The following TRPM8 variants were observed in gnomAD, a reference collection of about 807,000 sequenced individuals.
TRPM8 encodes the protein TRPM8 cationic channel.
In TRPM8, 110 loss-of-function variants were observed where a neutral mutation model predicts 133.7. That is an observed-to-expected ratio of 0.82 (90% CI 0.70 to 0.96). The LOEUF (loss-of-function observed/expected upper bound fraction) is 0.96. Among genes scored for constraint, TRPM8 ranks in the 40% least tolerant of loss-of-function variants. The pLI, the probability that TRPM8 is intolerant of heterozygous loss-of-function variation, is 0.00. For synonymous variants in TRPM8, 535 were observed against 532.3 expected (o/e 1.01, Z -0.07); for missense variants, 1,291 against 1,379.5 (o/e 0.94, Z 1.02).
chr2:233,930,850 T>C, intron 3 of TRPM8, 109 bp downstream of exon 3: 1 of 701,974 alleles, frequency 1.4e-6, no homozygotes. Context: ...TGTCTTCGTC[T>C]TATAATTCTC....
At chr2:233,963,696 CG>C (rs1436727084) in intron 13 of TRPM8, among the ~76,000 whole-genome samples, 2 of 152,130 alleles carry the variant, frequency 1.3e-5, no homozygotes, top group Non-Finnish European at 2.9e-5. Flanking sequence ...GCATTATGGA[CG>C]GGAGGTAGGG....
At chr2:233,999,574 T>C (rs535454579) in intron 22 of TRPM8, among the ~76,000 whole-genome samples, 1 of 151,590 alleles carries the variant, frequency 6.6e-6, no homozygotes, top group Admixed American at 6.5e-5. Flanking sequence ...CTGAGCTGAA[T>C]GCGCCGGTCC....
intron 14 of TRPM8, 68 bp downstream of exon 14, chr2:233,964,825 C>T: frequency 6.7e-7 from 1 of 1,496,506 alleles, no homozygotes; most frequent in Non-Finnish European, 9.1e-7. Context: ...TTGCCAGCGG[C>T]ACTCATAGAC....
intron 17 of TRPM8, among the ~76,000 whole-genome samples, chr2:233,977,533 G>C (rs374005553): frequency 1.3e-5 from 2 of 152,186 alleles, no homozygotes; most frequent in Non-Finnish European, 2.9e-5. Flanking sequence ...GGCATTAAGC[G>C]GGGAGCTAGC....
At chr2:233,987,670 G>A (rs10929327) in intron 21 of TRPM8, among the ~76,000 whole-genome samples, 81,462 of 152,096 alleles carry the variant, frequency 0.54, 22,941 homozygotes, top group African/African-American at 0.72. Context: ...CATCACCGAT[G>A]TAGTTTGGCT....
intron 2 of TRPM8, among the ~76,000 whole-genome samples, 197 bp downstream of exon 2, chr2:233,926,851 G>A (rs774421302): frequency 2.0e-5 from 3 of 152,094 alleles, no homozygotes; most frequent in Non-Finnish European, 4.4e-5. Context: ...TATGGCCAGG[G>A]TCTCAGTTTG....
chr2:233,999,413 C>T (rs1692493070), intron 22 of TRPM8, among the ~76,000 whole-genome samples: 1 of 152,100 alleles, frequency 6.6e-6, no homozygotes, highest in Non-Finnish European at 1.5e-5. Flanking sequence ...TTCTATTGGT[C>T]CAAGCAAGTC....
Position 233,996,326 on chromosome 2 carries a change from C to A in TRPM8, c.2940C>A (p.Gly980=), listed in dbSNP as rs201081351. The A allele has an allele frequency of 1.1e-5, 17 of 1,613,778 alleles. No individual in the cohort carries two copies. The highest frequency in any genetic ancestry group is 1.4e-5 in the Non-Finnish European group (16 of 1,179,906). ...LLVNLLVAMF[G]YTVGTVQENN... is the part of the protein sequence containing the mutation. ...TTGGCCTTCTCTCTTCCCTCACCAGCTACACGGTGGGCACCGTCCAGGAGA... is the reference window on the plus strand; with the variant it reads ...TTGGCCTTCTCTCTTCCCTCACCAGATACACGGTGGGCACCGTCCAGGAGA... Residue 980 remains glycine (G), a splice_region_variant and synonymous_variant, in exon 22 of 26, where the codon GGC becomes GGA. Coordinates refer to ENST00000324695, the MANE Select transcript of TRPM8 (RefSeq NM_024080.5).
chr2:233,986,998 T>C (rs1692162140), intron 21 of TRPM8, among the ~76,000 whole-genome samples: 1 of 152,236 alleles, frequency 6.6e-6, no homozygotes, highest in Non-Finnish European at 1.5e-5. Context: ...ACATTGCTAC[T>C]GGGAACCTGA....
At chr2:233,946,819 G>A (rs1691055382) in intron 7 of TRPM8, among the ~76,000 whole-genome samples, 2 of 152,148 alleles carry the variant, frequency 1.3e-5, no homozygotes, top group Admixed American at 1.3e-4. Flanking sequence ...TAGGTGCAAT[G>A]GTAAATCATG....
chr2:233,927,968 CTTTCTTTCT>C lies in TRPM8; in HGVS notation c.117+1318_117+1326del, dbSNP rs1263773552. Among the ~76,000 whole-genome samples the C allele has an allele frequency of 3.4e-4, 31 of 91,950 alleles. 2 individuals are homozygous for C. The highest frequency in any genetic ancestry group is 1.8e-3 in the African/African-American group (29 of 16,434). The allele number at this position is 91,950 out of a possible 152,430, so 60.3% of individuals were successfully genotyped here. A position where few individuals can be genotyped will look rare whatever the true frequency, so the allele number is the denominator to read the frequency against. On this transcript the variant is annotated intron_variant, in intron 2 of 25. Transcript: ENST00000324695. Reference sequence around the variant, plus strand: ...TCTCTCTCTCTCTCTCTCTTTCTTTCTTTCTTTCTTTTTTTTTTTGAGACGGAGTCTCGC... The same window carrying C: ...TCTCTCTCTCTCTCTCTCTTTCTTTCTTTTTTTTTTGAGACGGAGTCTCGC...
At chr2:233,993,171 C>G (rs1284843755) in intron 21 of TRPM8, among the ~76,000 whole-genome samples, 1 of 152,186 alleles carries the variant, frequency 6.6e-6, no homozygotes, top group Admixed American at 6.5e-5. Flanking sequence ...GTCCAGTTAT[C>G]AGCTGGTTCA....
chr2:233,961,054 C>T lies in TRPM8; in HGVS notation c.1641C>T (p.Asp547=), dbSNP rs780554757. 1.2e-6 allele frequency: 2 copies of T among 1,613,768 alleles called. No individual in the cohort carries two copies. The highest frequency in any genetic ancestry group is 8.5e-7 in the Non-Finnish European group (1 of 1,179,954). Residue 547 remains aspartate, a synonymous_variant, in exon 12 of 26, where the codon GAC becomes GAT. Coordinates refer to ENST00000324695, the MANE Select transcript of TRPM8 (RefSeq NM_024080.5). ...ACAGAAATGGCCGGGACGAGATGGA[C>T]ATAGAACTCCACGTAGGTACTGGGA... ...KEDRNGRDEM[D]IELHDVSPIT... is the part of the protein sequence containing the mutation.
rs1574788615 is a variant in TRPM8 at position 234,006,730 on chromosome 2, G to T, written c.3131-123G>T. 7 of 656,150 alleles carry T rather than the reference G, an allele frequency of 1.1e-5. No individual in the cohort carries two copies. In the South Asian group the frequency reaches 1.3e-4, roughly 12 times the overall value. 40.6% of individuals were successfully genotyped at this position (656,150 alleles called of 1,614,324 possible). Reference sequence around the variant, plus strand: ...CTAGGAAGTAACATCAGTCAAACCAGCCTGTGCAGGACGAATCTCATTCTT... The same window carrying T: ...CTAGGAAGTAACATCAGTCAAACCATCCTGTGCAGGACGAATCTCATTCTT... On this transcript the variant is annotated intron_variant, in intron 22 of 25. Transcript: ENST00000324695.
intron 25 of TRPM8, 126 bp from the exon 26 acceptor site, chr2:234,017,173 C>A: frequency 2.9e-6 from 1 of 350,024 alleles, no homozygotes; most frequent in Admixed American, 4.0e-5. Flanking sequence ...AATCTCTCAA[C>A]TTTGGTGGTA....
At position 234,001,204 on chromosome 2, in the gene TRPM8, G is replaced by A. The variant is rs28948675; in HGVS notation, c.3130+4688G>A. ...TGAGGGTCCTATGACCTGCTGTAGG[G>A]GAAGGTCAGAAAATCCTTCCTAGGT... On this transcript the variant is annotated intron_variant, in intron 22 of 25. Transcript: ENST00000324695. Among the ~76,000 whole-genome samples, 1,065 of 152,118 alleles carry A rather than the reference G, an allele frequency of 7.0e-3. 12 individuals carry two copies. The highest frequency in any genetic ancestry group is 0.024 in the African/African-American group (987 of 41,474).
Position 233,992,860 on chromosome 2 carries a change from C to T in TRPM8, c.2940-3466C>T, listed in dbSNP as rs142938928. Among the ~76,000 whole-genome samples, 50 of 152,270 alleles carry T rather than the reference C, an allele frequency of 3.3e-4. No homozygotes were observed. In the East Asian group the frequency reaches 8.3e-3, roughly 25 times the overall value. On this transcript the variant is annotated intron_variant, in intron 21 of 25. Transcript: ENST00000324695. ...GCTTGCTTTGCTGAGGGGGTGTGCA[C>T]GTGCTGGCCCAGAAAATCCTTTTCT...
chr2:233,970,105 C>T (rs1691673588), intron 16 of TRPM8, 105 bp from the exon 17 acceptor site: 2 of 1,077,020 alleles, frequency 1.9e-6, no homozygotes, highest in Non-Finnish European at 2.9e-6. Flanking sequence ...CCCGTCTCTT[C>T]CTCCTGGCTA....
intron 3 of TRPM8, among the ~76,000 whole-genome samples, chr2:233,936,200 C>A (rs139424922): frequency 6.6e-6 from 1 of 152,090 alleles, no homozygotes; most frequent in Non-Finnish European, 1.5e-5. Context: ...TCCTAAGAGA[C>A]CAACTTAAAG....
Sources: gnomAD v4.1 joint callset for allele counts (sites outside exome capture counted in the v4.1 genomes callset) on GRCh38, gnomAD v4.1.1 for gene constraint, MANE v1.5 for transcripts, NCBI Gene and HGNC (gene_info 2026-07-23, HGNC 2026-07-21) for gene names.